The following SCD5 variants were observed in gnomAD, a reference collection of about 807,000 sequenced individuals.
SCD5 encodes the protein acyl-CoA-desaturase 4.
SCD5 carries 20 observed loss-of-function variants against 30.4 expected under a neutral mutation model. That is an observed-to-expected ratio of 0.66 (90% CI 0.46 to 0.96). The LOEUF is 0.96. Among genes scored for constraint, SCD5 ranks in the 40% least tolerant of loss-of-function variants. The probability of loss-of-function intolerance (pLI) is 0.00; values close to 1 mark genes in which losing one functional copy is unlikely to be tolerated. For synonymous variants in SCD5, 173 were observed against 176.4 expected, an observed-to-expected ratio of 0.98 and a Z score of 0.16; for missense variants, 381 against 443.3, an observed-to-expected ratio of 0.86 and a Z score of 1.26.
intron 1 of SCD5, among the ~76,000 whole-genome samples, chr4:82,752,138 T>A (rs1721117100): frequency 6.6e-6 from 1 of 152,160 alleles, no homozygotes. Context: ...CTGAAGTATT[T>A]AACTTTAGTT....
rs541168859 is a variant in SCD5 at position 82,646,454 on chromosome 4, G to A, written c.570-9631C>T. Among the ~76,000 whole-genome samples the A allele has an allele frequency of 3.6e-4, 55 of 152,224 alleles. No individual in the cohort carries two copies. The South Asian group carries it at 4.6e-3, about 13-fold the overall frequency. Reference sequence around the variant, plus strand: ...TTTTGGGGTAGCTCTGTGGAGTGTCGCCGAAAATCTTCCAAACTTTTTGAA... The same window carrying A: ...TTTTGGGGTAGCTCTGTGGAGTGTCACCGAAAATCTTCCAAACTTTTTGAA... On this transcript the variant is annotated intron_variant, in intron 3 of 4. Transcript: ENST00000319540.
intron 1 of SCD5, among the ~76,000 whole-genome samples, chr4:82,787,726 G>A (rs1722016000): frequency 6.6e-6 from 1 of 152,128 alleles, no homozygotes; most frequent in Admixed American, 6.6e-5. Flanking sequence ...TGCCCTCTAA[G>A]GCACTAAGAA....
chr4:82,664,115 G>C (rs1728108796), intron 3 of SCD5, among the ~76,000 whole-genome samples: 1 of 152,180 alleles, frequency 6.6e-6, no homozygotes, highest in South Asian at 2.1e-4. Context: ...TGTGACACAG[G>C]TGTGCAGGGA....
chr4:82,650,558 T>G (rs934630050), intron 3 of SCD5, among the ~76,000 whole-genome samples: 7 of 152,152 alleles, frequency 4.6e-5, no homozygotes, highest in Non-Finnish European at 8.8e-5. Flanking sequence ...TAGCCAGGCA[T>G]TGTGGTACAC....
In SCD5 at chr4:82,691,630, A is replaced by G. The variant is rs78772721; in HGVS notation, c.364-10718T>C. 2.0e-5 allele frequency: 3 copies of G among 152,198 alleles called. No individual in the cohort carries two copies. The East Asian group carries it at 5.8e-4, about 29-fold the overall frequency. The allele number at this position is 152,198 out of a possible 1,614,324, so 9.4% of individuals were successfully genotyped here. A position where few individuals can be genotyped will look rare whatever the true frequency, so the allele number is the denominator to read the frequency against. On this transcript the variant is annotated intron_variant, in intron 2 of 4. Coordinates refer to ENST00000319540, the MANE Select transcript of SCD5 (RefSeq NM_001037582.3). ...AACTCTTATCCTAGAGGTGACTTTC[A>G]TGGGCCCCTAGATAGCCTCAGGATG...
chr4:82,771,398 C>T (rs1403310102), intron 1 of SCD5, among the ~76,000 whole-genome samples: 3 of 152,142 alleles, frequency 2.0e-5, no homozygotes, highest in Admixed American at 1.3e-4. Flanking sequence ...TCTGAGGGAA[C>T]CTGCTGCAAG....
At chr4:82,689,774 TAGC>T (rs1728792242) in intron 2 of SCD5, among the ~76,000 whole-genome samples, 1 of 152,210 alleles carries the variant, frequency 6.6e-6, no homozygotes, top group Non-Finnish European at 1.5e-5. Flanking sequence ...TGGAGAAACT[TAGC>T]AGATGCCACC....
intron 2 of SCD5, among the ~76,000 whole-genome samples, chr4:82,696,534 A>G (rs1439670524): frequency 6.6e-6 from 1 of 152,222 alleles, no homozygotes; most frequent in Non-Finnish European, 1.5e-5. Context: ...ACATTTTGTT[A>G]ATAACATTTC....
intron 3 of SCD5, among the ~76,000 whole-genome samples, chr4:82,673,025 C>T (rs1728360404): frequency 6.6e-6 from 1 of 151,896 alleles, no homozygotes; most frequent in Non-Finnish European, 1.5e-5. Context: ...AGTAAATTCT[C>T]AATGATAAAG....
chr4:82,701,588 G>C (rs1226928709), intron 2 of SCD5, among the ~76,000 whole-genome samples: 2 of 152,170 alleles, frequency 1.3e-5, no homozygotes, highest in Admixed American at 6.5e-5. Context: ...TGGGTGGCCT[G>C]AATCAGGACA....
rs577123008 is a variant in SCD5, at chr4:82,723,849, A to G, written c.233-18436T>C. 1.7e-4 allele frequency among the ~76,000 whole-genome samples: 26 copies of G among 152,390 alleles called. 1 individual carries two copies. Among genetic ancestry groups the G allele is most frequent in the Admixed American group, 1.6e-3 (24 of 15,308 alleles). ...GTTCCAAAGACAATGAAAACAAATAACAATCAAATACAATGTGAAAGCCTG... is the reference window on the plus strand; with the variant it reads ...GTTCCAAAGACAATGAAAACAAATAGCAATCAAATACAATGTGAAAGCCTG... On this transcript the variant is annotated intron_variant, in intron 1 of 4. Coordinates refer to ENST00000319540, the MANE Select transcript of SCD5 (RefSeq NM_001037582.3).
At chr4:82,758,823 C>T (rs1374681928) in intron 1 of SCD5, among the ~76,000 whole-genome samples, 2 of 152,160 alleles carry the variant, frequency 1.3e-5, no homozygotes, top group African/African-American at 4.8e-5. Flanking sequence ...CAGCCTCACT[C>T]CACTGACAGC....
At chr4:82,667,361 G>C (rs990075050) in intron 3 of SCD5, among the ~76,000 whole-genome samples, 3 of 152,026 alleles carry the variant, frequency 2.0e-5, no homozygotes, top group African/African-American at 7.2e-5. Flanking sequence ...AAAAAAAATT[G>C]ACATTTTTGA....
At chr4:82,645,651 A>G (rs1437795690) in intron 3 of SCD5, among the ~76,000 whole-genome samples, 1 of 152,182 alleles carries the variant, frequency 6.6e-6, no homozygotes, top group Non-Finnish European at 1.5e-5. Flanking sequence ...GTCCATTTTT[A>G]CACAATCAAA....
intron 3 of SCD5, among the ~76,000 whole-genome samples, chr4:82,679,211 A>AAAG (rs1346340137): frequency 0.6 from 47,889 of 80,430 alleles, 15,500 homozygotes; most frequent in Middle Eastern, 0.71. Flanking sequence ...AAAAAAAAAA[A>AAAG]AAAGAAAGAA....
chr4:82,729,321 G>A (rs1720576675), intron 1 of SCD5, among the ~76,000 whole-genome samples: 1 of 152,176 alleles, frequency 6.6e-6, no homozygotes, highest in African/African-American at 2.4e-5. Context: ...TGGTGAGGAG[G>A]GCCAAGGACT....
chr4:82,661,177 A>T, intron 3 of SCD5: 1 of 1,007,204 alleles, frequency 9.9e-7, no homozygotes, highest in African/African-American at 1.6e-5. Flanking sequence ...TCAATAACAA[A>T]ACCTTGCATC....
chr4:82,702,494 C>T (rs1161324017), intron 2 of SCD5, among the ~76,000 whole-genome samples: 1 of 152,114 alleles, frequency 6.6e-6, no homozygotes, highest in South Asian at 2.1e-4. Flanking sequence ...CTACTATTGC[C>T]TCTCAGCCCC....
chr4:82,733,905 C>G (rs1720694238), intron 1 of SCD5, among the ~76,000 whole-genome samples: 1 of 152,164 alleles, frequency 6.6e-6, no homozygotes, highest in Admixed American at 6.5e-5. Context: ...GGTGTCCTTG[C>G]TGCTGCAAAG....
Sources: gnomAD v4.1 joint callset for allele counts (sites outside exome capture counted in the v4.1 genomes callset) on GRCh38, gnomAD v4.1.1 for gene constraint, MANE v1.5 for transcripts, NCBI Gene and HGNC (gene_info 2026-07-23, HGNC 2026-07-21) for gene names.